Variants in KCTD16 observed in about 807,000 individuals in gnomAD.
The protein encoded by KCTD16 is potassium channel tetramerization domain containing 16, also known as BTB/POZ domain-containing protein KCTD16.
A neutral mutation model predicts 33.2 loss-of-function variants in KCTD16; 13 were observed. The observed-to-expected ratio is 0.39, with a 90% CI of 0.25 to 0.62. The LOEUF (loss-of-function observed/expected upper bound fraction) is 0.62. Among genes scored for constraint, KCTD16 ranks in the 20% least tolerant of loss-of-function variants. KCTD16 has a pLI of 0.50. For synonymous variants in KCTD16, 197 were observed against 195.3 expected, an observed-to-expected ratio of 1.01 and a Z score of -0.07; for missense variants, 441 against 525.1, an observed-to-expected ratio of 0.84 and a Z score of 1.57.
chr5:144,444,019 A>T (rs1753766258), intron 3 of KCTD16, among the ~76,000 whole-genome samples: 1 of 151,968 alleles, frequency 6.6e-6, no homozygotes, highest in Non-Finnish European at 1.5e-5. Context: ...ATTATCTTGT[A>T]TGTTTCCTTG....
Position 144,353,837 on chromosome 5 carries a change from G to A in KCTD16, c.833-119823G>A, listed in dbSNP as rs137897321. ...CTTTATTTGAATATAACATGGAATC[G>A]CAAAAAGGGGTTTAAAACTTATCAA... On this transcript the variant is annotated intron_variant, in intron 3 of 3. Coordinates refer to ENST00000512467, the MANE Select transcript of KCTD16 (RefSeq NM_020768.4). Among the ~76,000 whole-genome samples the A allele has an allele frequency of 3.8e-3, 571 of 151,538 alleles. 2 individuals carry two copies. The highest frequency in any genetic ancestry group is 0.011 in the African/African-American group (474 of 41,382).
chr5:144,346,261 T>G (rs943489846), intron 3 of KCTD16, among the ~76,000 whole-genome samples: 6 of 152,218 alleles, frequency 3.9e-5, no homozygotes, highest in African/African-American at 1.4e-4. Flanking sequence ...CACCTGTTGA[T>G]GGACACTTAG....
intron 3 of KCTD16, among the ~76,000 whole-genome samples, chr5:144,334,477 A>T (rs977431146): frequency 1.3e-5 from 2 of 152,212 alleles, no homozygotes; most frequent in Admixed American, 6.5e-5. Flanking sequence ...ATTCTAAACC[A>T]GTGAACCATT....
intron 3 of KCTD16, among the ~76,000 whole-genome samples, chr5:144,446,873 G>A (rs1466197240): frequency 6.6e-6 from 1 of 152,160 alleles, no homozygotes. Context: ...TCTCGTGCCA[G>A]TTAGAATGGC....
intron 3 of KCTD16, among the ~76,000 whole-genome samples, chr5:144,283,111 C>T (rs1340273273): frequency 6.6e-6 from 1 of 152,030 alleles, no homozygotes; most frequent in Admixed American, 6.5e-5. Flanking sequence ...AGGTTTGTTA[C>T]ATATGTATAC....
intron 3 of KCTD16, among the ~76,000 whole-genome samples, chr5:144,419,227 AT>A (rs1432536945): frequency 6.6e-6 from 1 of 152,120 alleles, no homozygotes; most frequent in African/African-American, 2.4e-5. Context: ...TGCATCCCTG[AT>A]ATTCTTATGT....
chr5:144,431,129 G>A (rs1753449920), intron 3 of KCTD16, among the ~76,000 whole-genome samples: 1 of 151,960 alleles, frequency 6.6e-6, no homozygotes, highest in Non-Finnish European at 1.5e-5. Context: ...CACTAATTAT[G>A]AATTGAGAAA....
At chr5:144,422,608 T>C (rs548140635) in intron 3 of KCTD16, among the ~76,000 whole-genome samples, 1 of 152,132 alleles carries the variant, frequency 6.6e-6, no homozygotes, top group Non-Finnish European at 1.5e-5. Flanking sequence ...ACAGCAAAAG[T>C]CAAATTTTCT....
intron 3 of KCTD16, among the ~76,000 whole-genome samples, chr5:144,445,148 G>C (rs1002386740): frequency 6.6e-6 from 1 of 151,472 alleles, no homozygotes; most frequent in Non-Finnish European, 1.5e-5. Context: ...ATTTCTCTAG[G>C]ACACTTTTGA....
intron 3 of KCTD16, among the ~76,000 whole-genome samples, chr5:144,459,238 C>T (rs1489056530): frequency 6.6e-6 from 1 of 152,150 alleles, no homozygotes; most frequent in African/African-American, 2.4e-5. Flanking sequence ...CAGAAAGTCC[C>T]CATTCTCCAT....
At chr5:144,363,867 G>T (rs542336250) in intron 3 of KCTD16, among the ~76,000 whole-genome samples, 2 of 152,230 alleles carry the variant, frequency 1.3e-5, no homozygotes, top group South Asian at 4.1e-4. Flanking sequence ...TGCAACTAGT[G>T]GTACTGCTGT....
intron 3 of KCTD16, among the ~76,000 whole-genome samples, chr5:144,227,690 A>G (rs898981064): frequency 6.6e-6 from 1 of 152,214 alleles, no homozygotes; most frequent in African/African-American, 2.4e-5. Context: ...AAGTGTGGCA[A>G]TCAATTAGAC....
chr5:144,309,663 T>C (rs916753436), intron 3 of KCTD16, among the ~76,000 whole-genome samples: 3 of 152,156 alleles, frequency 2.0e-5, no homozygotes, highest in African/African-American at 7.2e-5. Context: ...AAGGCATAAC[T>C]AGAGGCTACG....
At chr5:144,419,318 T>C (rs1233927848) in intron 3 of KCTD16, among the ~76,000 whole-genome samples, 1 of 152,190 alleles carries the variant, frequency 6.6e-6, no homozygotes, top group Non-Finnish European at 1.5e-5. Flanking sequence ...TGCTGGATTT[T>C]AAAATCACCT....
chr5:144,175,320 A>C (rs867176668), intron 2 of KCTD16, among the ~76,000 whole-genome samples: 10 of 152,320 alleles, frequency 6.6e-5, no homozygotes, highest in Middle Eastern at 3.4e-3. Context: ...CTTGTTCCTG[A>C]GTCCTTATGC....
At chr5:144,465,779 C>CTTT (rs780109122) in intron 3 of KCTD16, among the ~76,000 whole-genome samples, 19,033 of 128,188 alleles carry the variant, frequency 0.15, 2,064 homozygotes, top group Non-Finnish European at 0.18. Flanking sequence ...CCAAATTTAA[C>CTTT]TTTTTTGTTT....
intron 3 of KCTD16, among the ~76,000 whole-genome samples, chr5:144,455,577 G>A (rs551090573): frequency 1.6e-4 from 25 of 152,300 alleles, no homozygotes; most frequent in African/African-American, 6.0e-4. Flanking sequence ...ATGGGATGAA[G>A]GCAGGATTAG....
At chr5:144,265,301 T>C (rs1755113404) in intron 3 of KCTD16, among the ~76,000 whole-genome samples, 1 of 152,098 alleles carries the variant, frequency 6.6e-6, no homozygotes, top group East Asian at 1.9e-4. Flanking sequence ...ACAGCAAAAA[T>C]AACAACTGCT....
Position 144,462,241 on chromosome 5 carries a change from T to A in KCTD16, c.833-11419T>A, listed in dbSNP as rs564589966. ...CTTTGTCTTCAGGTTTTCATTGTCT[T>A]CCCCGCCGTCACTCTCCTCACTTCC... On this transcript the variant is annotated intron_variant, in intron 3 of 3. Coordinates refer to ENST00000512467, the MANE Select transcript of KCTD16 (RefSeq NM_020768.4). Among the ~76,000 whole-genome samples the A allele has an allele frequency of 2.0e-5, 3 of 152,244 alleles. No individual in the cohort carries two copies. The South Asian group carries it at 6.2e-4, about 32-fold the overall frequency.
Sources: gnomAD v4.1 joint callset for allele counts (sites outside exome capture counted in the v4.1 genomes callset) on GRCh38, gnomAD v4.1.1 for gene constraint, MANE v1.5 for transcripts, NCBI Gene and HGNC (gene_info 2026-07-23, HGNC 2026-07-21) for gene names.